Variants in EXT2 observed in about 807,000 individuals in gnomAD.
EXT2 encodes exostosin glycosyltransferase 2, also known as exostosin-2.
EXT2 carries 53 observed loss-of-function variants against 81.6 expected under a neutral mutation model. That is an observed-to-expected ratio of 0.65 (90% CI 0.52 to 0.82). The LOEUF (loss-of-function observed/expected upper bound fraction) is 0.82, where lower values mean the gene tolerates loss of function less well. EXT2 is among the 40% of genes least tolerant of loss of function. The pLI is 0.00. For synonymous variants in EXT2, 320 were observed against 340.0 expected (o/e 0.94, Z 0.65); for missense variants, 774 against 910.2 (o/e 0.85, Z 1.93).
intron 2 of EXT2, among the ~76,000 whole-genome samples, chr11:44,108,452 T>C (rs2134969480): frequency 6.6e-6 from 1 of 152,366 alleles, no homozygotes; most frequent in East Asian, 1.9e-4. Flanking sequence ...TGAAGAGTAG[T>C]CTGCCATCTC....
intron 4 of EXT2, among the ~76,000 whole-genome samples, chr11:44,119,756 T>C (rs1565201644): frequency 6.6e-6 from 1 of 152,240 alleles, no homozygotes; most frequent in Non-Finnish European, 1.5e-5. Context: ...AGGCCTGCTA[T>C]GTTAATTCTT....
intron 7 of EXT2, 38 bp downstream of exon 7, chr11:44,130,176 A>G: frequency 6.5e-7 from 1 of 1,537,938 alleles, no homozygotes; most frequent in Non-Finnish European, 9.0e-7. Context: ...CATGGGTGGT[A>G]CCGAAATGGT....
intron 2 of EXT2, among the ~76,000 whole-genome samples, chr11:44,108,778 T>C (rs1383112683): frequency 2.6e-5 from 4 of 152,252 alleles, no homozygotes; most frequent in African/African-American, 9.6e-5. Flanking sequence ...TTTCCCTTAA[T>C]ATATCATGAA....
At chr11:44,119,718 T>C (rs1006812870) in intron 4 of EXT2, among the ~76,000 whole-genome samples, 1 of 152,236 alleles carries the variant, frequency 6.6e-6, no homozygotes, top group African/African-American at 2.4e-5. Flanking sequence ...ACCAAACTTA[T>C]AAGCAAGCCT....
intron 8 of EXT2, among the ~76,000 whole-genome samples, chr11:44,184,618 G>A (rs1387524442): frequency 6.6e-6 from 1 of 152,134 alleles, no homozygotes; most frequent in Non-Finnish European, 1.5e-5. Flanking sequence ...GGGCGTGGTG[G>A]CGGGCGCCTG....
chr11:44,162,735 T>C (rs923666040), intron 7 of EXT2, among the ~76,000 whole-genome samples: 3 of 152,174 alleles, frequency 2.0e-5, no homozygotes, highest in South Asian at 2.1e-4. Flanking sequence ...TATGGGTGGG[T>C]TCCTAAATTA....
chr11:44,113,893 G>T (rs1387991691), intron 3 of EXT2, among the ~76,000 whole-genome samples: 1 of 152,148 alleles, frequency 6.6e-6, no homozygotes, highest in African/African-American at 2.4e-5. Context: ...GGATCTGAGG[G>T]AGGTAGCAGA....
At position 44,236,295 on chromosome 11, in the gene EXT2, A is replaced by G; in HGVS notation, c.1938A>G (p.Val646=). 1 of 1,614,086 alleles carries G rather than the reference A, an allele frequency of 6.2e-7. No homozygotes were observed. Among genetic ancestry groups the G allele is most frequent in the Non-Finnish European group, 8.5e-7 (1 of 1,179,968 alleles). Residue 646 remains valine (V), a splice_region_variant and synonymous_variant, in exon 13 of 14, where the codon GTA becomes GTG. Coordinates refer to ENST00000533608, the MANE Select transcript of EXT2 (RefSeq NM_207122.2). ...ATGTTTTTGTCCTCCTCTGGCAGGT[A>G]ACCCCACGAAAGAAATTCAAGTGTC... is the stretch of plus-strand genomic sequence containing the variant. ...ANVTGKAVIK[V]TPRKKFKCPE...
At chr11:44,135,832 G>A (rs1012666565) in intron 7 of EXT2, among the ~76,000 whole-genome samples, 4 of 152,078 alleles carry the variant, frequency 2.6e-5, no homozygotes, top group African/African-American at 4.8e-5. Flanking sequence ...TTTATTTTTC[G>A]TATTTGGAAT....
chr11:44,103,992 C>T (rs1460771769), intron 1 of EXT2, among the ~76,000 whole-genome samples: 1 of 152,132 alleles, frequency 6.6e-6, no homozygotes, highest in African/African-American at 2.4e-5. Context: ...TAATTAATCT[C>T]TGTGCTTTTA....
At position 44,248,185 on chromosome 11, in the gene EXT2, G is replaced by A. The variant is rs1033313694; in HGVS notation, c.*3898G>A. ...CTCTTGGCTCGGGTACTCTTCCATT[G>A]CAGCAAGAGAAGCCACAGTGGGCTG... On this transcript the variant is annotated 3_prime_UTR_variant, in exon 14 of 14. Coordinates refer to ENST00000533608, the MANE Select transcript of EXT2 (RefSeq NM_207122.2). 5.9e-5 allele frequency among the ~76,000 whole-genome samples: 9 copies of A among 152,148 alleles called. No homozygotes were observed. Among genetic ancestry groups the A allele is most frequent in the African/African-American group, 1.9e-4 (8 of 41,422 alleles).
chr11:44,158,974 TA>T (rs912498386), intron 7 of EXT2, among the ~76,000 whole-genome samples: 2 of 152,050 alleles, frequency 1.3e-5, no homozygotes, highest in Non-Finnish European at 2.9e-5. Context: ...CCTCTGTAGG[TA>T]AGGTGTTTTC....
chr11:44,208,880 G>T (rs532686938), intron 10 of EXT2, among the ~76,000 whole-genome samples: 5 of 152,322 alleles, frequency 3.3e-5, no homozygotes, highest in African/African-American at 1.2e-4. Context: ...AGTGACATTT[G>T]CCAGAGATCA....
chr11:44,231,164 A>C (rs1351634144), intron 10 of EXT2, among the ~76,000 whole-genome samples: 1 of 152,168 alleles, frequency 6.6e-6, no homozygotes, highest in Non-Finnish European at 1.5e-5. Flanking sequence ...GAAGGCTAGC[A>C]CAGTAATCTT....
At chr11:44,129,342 T>A (rs1224812865) in intron 6 of EXT2, among the ~76,000 whole-genome samples, 1 of 152,202 alleles carries the variant, frequency 6.6e-6, no homozygotes, top group Non-Finnish European at 1.5e-5. Flanking sequence ...GCCTACAAGG[T>A]CCTATACTCT....
chr11:44,212,365 G>A (rs1955660813), intron 10 of EXT2, among the ~76,000 whole-genome samples: 1 of 148,572 alleles, frequency 6.7e-6, no homozygotes, highest in South Asian at 2.2e-4. Flanking sequence ...TGATATAGAG[G>A]TACAAGATGA....
At chr11:44,190,790 C>G (rs555739258) in intron 8 of EXT2, among the ~76,000 whole-genome samples, 1 of 152,172 alleles carries the variant, frequency 6.6e-6, no homozygotes. Context: ...AAAGGCCACC[C>G]GTTTACCACC....
chr11:44,200,792 A>G (rs943192763), intron 9 of EXT2, among the ~76,000 whole-genome samples: 1 of 152,186 alleles, frequency 6.6e-6, no homozygotes, highest in Non-Finnish European at 1.5e-5. Context: ...TATGATAGTG[A>G]TTGGCAGGAT....
chr11:44,240,569 G>A (rs1331085834), intron 13 of EXT2, among the ~76,000 whole-genome samples: 1 of 152,098 alleles, frequency 6.6e-6, no homozygotes, highest in Admixed American at 6.6e-5. Flanking sequence ...ATCCCTATCT[G>A]TAAAAAAATA....
Sources: allele counts gnomAD v4.1 joint callset (sites outside exome capture counted in the v4.1 genomes callset), GRCh38; gene constraint gnomAD v4.1.1; transcripts MANE v1.5; gene names NCBI Gene and HGNC (gene_info 2026-07-23, HGNC 2026-07-21).